NPAS3: variants seen among roughly 807,000 people sequenced by gnomAD.
NPAS3 encodes neuronal PAS domain-containing protein 3.
Under a neutral mutation model 73.1 loss-of-function variants are expected in NPAS3, and 14 were observed. The ratio of observed to expected loss-of-function variants is 0.19; its 90% confidence interval spans 0.13 to 0.30. The LOEUF is 0.30. Ranked by LOEUF, NPAS3 falls within the 10% of genes least tolerant of loss-of-function variation. The pLI, the probability that NPAS3 is intolerant of heterozygous loss-of-function variation, is 1.00. For missense variants in NPAS3, 1,096 were observed against 1,250.0 expected (o/e 0.88, Z 1.86); for synonymous variants, 620 against 541.5 (o/e 1.14, Z -2.01).
chr14:33,537,446 A>T (rs1282985099), intron 4 of NPAS3, among the ~76,000 whole-genome samples: 2 of 152,190 alleles, frequency 1.3e-5, no homozygotes, highest in African/African-American at 2.4e-5. Context: ...ACACAGGCAT[A>T]AACTTTTAAT....
At chr14:33,709,577 T>C (rs1329308316) in intron 6 of NPAS3, among the ~76,000 whole-genome samples, 1 of 152,194 alleles carries the variant, frequency 6.6e-6, no homozygotes, top group African/African-American at 2.4e-5. Flanking sequence ...TAACATTTGC[T>C]AAGTTCTTTC....
intron 3 of NPAS3, among the ~76,000 whole-genome samples, chr14:33,256,996 C>G (rs2048801794): frequency 6.6e-6 from 1 of 152,160 alleles, no homozygotes; most frequent in African/African-American, 2.4e-5. Context: ...GATCCCTCTT[C>G]AGACTGAGTT....
chr14:32,937,533 A>C (rs775854058), upstream of NPAS3, among the ~76,000 whole-genome samples: 11 of 152,094 alleles, frequency 7.2e-5, no homozygotes, highest in Middle Eastern at 3.2e-3. Flanking sequence ...ACTCCAGTTC[A>C]TTTCTCATTC....
chr14:33,643,352 C>T lies in NPAS3; in HGVS notation c.559-32859C>T, dbSNP rs146684694. Among the ~76,000 whole-genome samples the T allele has an allele frequency of 6.7e-4, 76 of 112,860 alleles. 1 individual carries two copies. Among genetic ancestry groups the T allele is most frequent in the African/African-American group, 2.4e-3 (68 of 28,142 alleles). The allele number at this position is 112,860 out of a possible 152,430, so 74.0% of individuals were successfully genotyped here. On this transcript the variant is annotated intron_variant, in intron 5 of 11. Coordinates refer to ENST00000356141, the Ensembl canonical transcript of NPAS3. ...ACCAACACCCCAGTTCTGATGTGTT[C>T]GGAAAAAGAAAGAAATAAAAATTAA...
At chr14:33,611,242 T>A (rs568077838) in intron 5 of NPAS3, 63 of 151,234 alleles carry the variant, frequency 4.2e-4, no homozygotes, top group Middle Eastern at 3.4e-3. Context: ...TGTTAATAGG[T>A]TTTGTAAACT....
At chr14:33,629,212 G>A (rs914599158) in intron 5 of NPAS3, among the ~76,000 whole-genome samples, 3 of 147,868 alleles carry the variant, frequency 2.0e-5, no homozygotes, top group African/African-American at 7.5e-5. Context: ...TCCAGCCTGG[G>A]TGACAGAGCG....
chr14:33,194,669 C>T (rs775874753), intron 2 of NPAS3, among the ~76,000 whole-genome samples: 13 of 152,196 alleles, frequency 8.5e-5, no homozygotes, highest in South Asian at 2.1e-4. Flanking sequence ...AATTCGATTA[C>T]GTGTCAATGA....
chr14:33,745,784 T>C (rs1566492695), intron 7 of NPAS3, among the ~76,000 whole-genome samples: 2 of 152,256 alleles, frequency 1.3e-5, no homozygotes, highest in South Asian at 4.1e-4. Flanking sequence ...GGAAATTTCT[T>C]CTTGCTTAAG....
intron 6 of NPAS3, among the ~76,000 whole-genome samples, chr14:33,697,191 T>C (rs1001226242): frequency 3.3e-5 from 5 of 152,314 alleles, no homozygotes; most frequent in South Asian, 4.1e-4. Context: ...GATGCCTGGT[T>C]ACATCACTGA....
intron 1 of NPAS3, among the ~76,000 whole-genome samples, chr14:33,013,684 CA>C (rs2139662186): frequency 6.6e-6 from 1 of 152,274 alleles, no homozygotes; most frequent in South Asian, 2.1e-4. Context: ...ATCTTTACAT[CA>C]ACATTTTCTA....
chr14:33,251,130 A>G (rs1162647617), intron 3 of NPAS3, among the ~76,000 whole-genome samples: 1 of 152,162 alleles, frequency 6.6e-6, no homozygotes, highest in East Asian at 1.9e-4. Flanking sequence ...TAAGCCTGCT[A>G]CTGCATGCTG....
intron 5 of NPAS3, among the ~76,000 whole-genome samples, chr14:33,633,297 GA>G (rs904950816): frequency 1.1e-4 from 17 of 151,746 alleles, no homozygotes; most frequent in East Asian, 5.8e-4. Context: ...AAACTTATTT[GA>G]AAAAAAACTA....
At chr14:32,997,022 T>A (rs2139528158) in intron 1 of NPAS3, among the ~76,000 whole-genome samples, 1 of 152,068 alleles carries the variant, frequency 6.6e-6, no homozygotes, top group South Asian at 2.1e-4. Flanking sequence ...GCAACAGGGG[T>A]GGAGTTGCCC....
At chr14:33,224,605 T>C (rs998034950) in intron 3 of NPAS3, among the ~76,000 whole-genome samples, 6 of 152,160 alleles carry the variant, frequency 3.9e-5, no homozygotes, top group Admixed American at 3.3e-4. Context: ...AACTAGAATT[T>C]GGGCCTCTGT....
intron 4 of NPAS3, among the ~76,000 whole-genome samples, chr14:33,501,324 A>G (rs17091741): frequency 0.22 from 33,456 of 151,864 alleles, 4,602 homozygotes; most frequent in East Asian, 0.49. Flanking sequence ...AGTAATAGGT[A>G]TTTTGCATAA....
chr14:33,207,038 C>T (rs1342913842), intron 2 of NPAS3, among the ~76,000 whole-genome samples: 2 of 152,180 alleles, frequency 1.3e-5, no homozygotes. Context: ...CGGGCAAAGA[C>T]CCGTGATCCT....
At chr14:32,943,924 AG>A (rs1040240494) in intron 1 of NPAS3, among the ~76,000 whole-genome samples, 1 of 152,122 alleles carries the variant, frequency 6.6e-6, no homozygotes, top group Non-Finnish European at 1.5e-5. Context: ...TCCTGACCTC[AG>A]GTGATCTGCC....
At chr14:33,299,604 T>TTTC (rs2042445800) in intron 3 of NPAS3, among the ~76,000 whole-genome samples, 6 of 152,098 alleles carry the variant, frequency 3.9e-5, no homozygotes, top group Admixed American at 3.9e-4. Flanking sequence ...TTCTTTTTTT[T>TTTC]GTGTGCTTAA....
rs779109799 is a variant in NPAS3, at chr14:33,367,287, G to A, written c.468+19G>A. On this transcript the variant is annotated intron_variant, in intron 4 of 11. Coordinates refer to ENST00000356141, the Ensembl canonical transcript of NPAS3. ...TTTGCAGGTACCTTTAAAACAAAAAGAAGCTTTCTTATATTTTACTAAGAA... is the reference window on the plus strand; with the variant it reads ...TTTGCAGGTACCTTTAAAACAAAAAAAAGCTTTCTTATATTTTACTAAGAA... 1.6e-5 allele frequency: 13 copies of A among 805,540 alleles called. No homozygotes were observed. The Admixed American group carries it at 1.6e-4, about 10-fold the overall frequency. 49.9% of individuals were successfully genotyped at this position (805,540 alleles called of 1,614,324 possible).
Sources: allele counts gnomAD v4.1 joint callset (sites outside exome capture counted in the v4.1 genomes callset), GRCh38; gene constraint gnomAD v4.1.1; transcripts MANE v1.5; gene names NCBI Gene and HGNC (gene_info 2026-07-23, HGNC 2026-07-21).